Variants in NXPE3 observed in about 807,000 individuals in gnomAD.
NXPE3 encodes neurexophilin and PC-esterase domain family member 3, also known as NXPE family member 3.
A neutral mutation model predicts 46.1 loss-of-function variants in NXPE3; 26 were observed. The observed-to-expected ratio is 0.56, with a 90% confidence interval of 0.41 to 0.78. NXPE3 has a LOEUF of 0.78. NXPE3 is among the 30% of genes least tolerant of loss of function. NXPE3 has a pLI of 0.00. For synonymous variants in NXPE3, 272 were observed against 257.9 expected, an observed-to-expected ratio of 1.05 and a Z score of -0.52; for missense variants, 620 against 686.0, an observed-to-expected ratio of 0.90 and a Z score of 1.07.
At position 101,801,412 on chromosome 3, in the gene NXPE3, G is replaced by A; in HGVS notation, c.271G>A (p.Asp91Asn). ...LLAALHRQVP[D>N]VGPVPFVKST... The stretch of plus-strand genomic sequence containing the variant: ...GGCTGCCTTGCACCGGCAGGTTCCT[G>A]ATGTGGGCCCAGTCCCCTTTGTGAA... Residue 91 changes from aspartate (D) to asparagine (N), a missense_variant, in exon 5 of 8, where the codon GAT (aspartate) becomes AAT (asparagine). Coordinates refer to ENST00000273347, the MANE Select transcript of NXPE3 (RefSeq NM_145037.4). 6.2e-7 allele frequency: 1 copy of A among 1,614,216 alleles called. No homozygotes were observed. Among genetic ancestry groups the A allele is most frequent in the Non-Finnish European group, 8.5e-7 (1 of 1,180,038 alleles).
At chr3:101,779,428 C>T (rs1404181461) in intron 1 of NXPE3, 104 bp downstream of exon 1, 1 of 152,594 alleles carries the variant, frequency 6.6e-6, no homozygotes, top group African/African-American at 2.4e-5. Context: ...TGCGAAGCCC[C>T]TCCCTCCGCG....
Position 101,801,884 on chromosome 3 carries a change from T to C in NXPE3, c.743T>C (p.Phe248Ser). Reference protein sequence around the residue: ...FTDLYTGEPWFCFKPKKLPCS... With the variant: ...FTDLYTGEPWSCFKPKKLPCS... ...GACCTCTACACTGGGGAGCCCTGGT[T>C]CTGCTTCAAACCAAAGAAGCTCCCT... Residue 248 changes from phenylalanine to serine, a missense_variant, in exon 5 of 8, where the codon TTC (phenylalanine) becomes TCC (serine). Physicochemically the swap from Phe to Ser is radical, Grantham distance 155. This residue lies in a region of NXPE3 where 511 missense variants were observed against 528.6 expected (regional missense o/e 0.97). Coordinates refer to ENST00000273347, the MANE Select transcript of NXPE3 (RefSeq NM_145037.4). The C allele has an allele frequency of 6.2e-7, 1 of 1,614,168 alleles. No individual in the cohort carries two copies. The highest frequency in any genetic ancestry group is 8.5e-7 in the Non-Finnish European group (1 of 1,180,026).
At chr3:101,798,322 C>CA (rs1940947422) in intron 4 of NXPE3, among the ~76,000 whole-genome samples, 1 of 152,018 alleles carries the variant, frequency 6.6e-6, no homozygotes. Flanking sequence ...AAACTGTTTA[C>CA]AAGAGTATCC....
At chr3:101,783,975 G>A (rs1398632776) in intron 3 of NXPE3, among the ~76,000 whole-genome samples, 1 of 152,220 alleles carries the variant, frequency 6.6e-6, no homozygotes, top group East Asian at 1.9e-4. Flanking sequence ...CCCTGTGGAG[G>A]TGGCCAGGAC....
intron 6 of NXPE3, 34 bp from the exon 7 acceptor site, chr3:101,816,761 T>G (rs753531862): frequency 7.4e-6 from 11 of 1,490,266 alleles, no homozygotes; most frequent in Non-Finnish European, 1.0e-5. Flanking sequence ...TGGAGGAGAA[T>G]ATTAAAATAT....
At chr3:101,806,475 G>C (rs983481014) in intron 5 of NXPE3, among the ~76,000 whole-genome samples, 1 of 152,086 alleles carries the variant, frequency 6.6e-6, no homozygotes, top group Non-Finnish European at 1.5e-5. Flanking sequence ...CCTTATCTTC[G>C]AGTAGTATAT....
intron 3 of NXPE3, 53 bp from the exon 4 acceptor site, chr3:101,785,349 C>T (rs533589482): frequency 2.4e-6 from 1 of 422,606 alleles, no homozygotes; most frequent in Non-Finnish European, 4.4e-6. Context: ...TTCCTCTCAC[C>T]CCACCCTAGG....
rs1488487958 is a variant in NXPE3, at chr3:101,823,215, A to G, written c.*1261A>G. On this transcript the variant is annotated 3_prime_UTR_variant, in exon 8 of 8. Transcript: ENST00000273347. ...AGGGAGGCTTTAGAGAGGAAGACAG[A>G]TGCTTGAAGTATGAACAATATATAC... 2.0e-5 allele frequency: 3 copies of G among 152,086 alleles called. No homozygotes were observed. The highest frequency in any genetic ancestry group is 2.1e-4 in the South Asian group (1 of 4,822). 9.4% of individuals were successfully genotyped at this position (152,086 alleles called of 1,614,324 possible).
At chr3:101,805,604 TA>T (rs1941379891) in intron 5 of NXPE3, among the ~76,000 whole-genome samples, 1 of 152,072 alleles carries the variant, frequency 6.6e-6, no homozygotes. Flanking sequence ...CATAGCTGGC[TA>T]ATTTTTGTAT....
chr3:101,795,498 AC>A (rs1940773913), intron 4 of NXPE3, among the ~76,000 whole-genome samples: 1 of 150,230 alleles, frequency 6.7e-6, no homozygotes. Context: ...AGCCTGGGCA[AC>A]AAAGTGAGAC....
intron 7 of NXPE3, among the ~76,000 whole-genome samples, chr3:101,819,019 C>T (rs1226469898): frequency 6.6e-6 from 1 of 151,706 alleles, no homozygotes; most frequent in Admixed American, 6.6e-5. Context: ...CTTGCTTTGC[C>T]CTCCCAAAGT....
Position 101,782,645 on chromosome 3 carries a change from T to A in NXPE3, c.-316-15T>A, listed in dbSNP as rs1169478520. On this transcript the variant is annotated splice_polypyrimidine_tract_variant and intron_variant, in intron 2 of 7. Coordinates refer to ENST00000273347, the MANE Select transcript of NXPE3 (RefSeq NM_145037.4). ...GGTTTTATTCTTTATTTTATTTCATTTTTTTTTGAGACAGAGTCCTGCTCT... is the reference window on the plus strand; with the variant it reads ...GGTTTTATTCTTTATTTTATTTCATATTTTTTTGAGACAGAGTCCTGCTCT... 2 of 152,008 alleles carry A rather than the reference T, an allele frequency of 1.3e-5. No homozygotes were observed. Among genetic ancestry groups the A allele is most frequent in the East Asian group, 1.9e-4 (1 of 5,192 alleles). 9.4% of individuals were successfully genotyped at this position (152,008 alleles called of 1,614,324 possible).
rs755702543 is a variant in NXPE3, at chr3:101,801,704, T to A, written c.563T>A (p.Val188Asp). The A allele has an allele frequency of 1.2e-6, 2 of 1,614,186 alleles. No individual in the cohort carries two copies. The highest frequency in any genetic ancestry group is 1.7e-6 in the Non-Finnish European group (2 of 1,180,038). ...AAAGTTAAAGTATCCGTATCTCTGGTCCACCCCAGTGAAGGGATCAGAGTT... is the reference window on the plus strand; with the variant it reads ...AAAGTTAAAGTATCCGTATCTCTGGACCACCCCAGTGAAGGGATCAGAGTT... ...PGKVKVSVSL[V>D]HPSEGIRVLQ... The change falls in exon 5 of 8, where the codon GTC (valine) becomes GAC (aspartate). Residue 188 changes from valine to aspartate, a missense_variant. Transcript: ENST00000273347.
intron 6 of NXPE3, 59 bp downstream of exon 6, chr3:101,807,185 C>G: frequency 7.7e-7 from 1 of 1,306,728 alleles, no homozygotes; most frequent in Non-Finnish European, 1.1e-6. Context: ...GGTTGAGGCT[C>G]TGTCGTTTCA....
chr3:101,800,340 C>T (rs1941072190), intron 4 of NXPE3, among the ~76,000 whole-genome samples: 1 of 152,104 alleles, frequency 6.6e-6, no homozygotes, highest in Non-Finnish European at 1.5e-5. Context: ...TGGGATTTTT[C>T]CAGCTCTCTT....
chr3:101,820,054 A>C (rs767838322), intron 7 of NXPE3, among the ~76,000 whole-genome samples: 1 of 152,124 alleles, frequency 6.6e-6, no homozygotes, highest in Non-Finnish European at 1.5e-5. Context: ...CTCTAGTTTC[A>C]TCCATGTTGT....
chr3:101,806,093 A>G (rs1296960774), intron 5 of NXPE3, among the ~76,000 whole-genome samples: 1 of 152,080 alleles, frequency 6.6e-6, no homozygotes, highest in Admixed American at 6.6e-5. Context: ...AGCTCCATGA[A>G]GAAGGAGATG....
Position 101,821,819 on chromosome 3 carries a change from G to A in NXPE3, c.1545G>A (p.Gly515=). ...LDTILRRMFS[G]VGVYLVDAWE... ...CCATCCTTCGGAGGATGTTCTCAGG[G>A]GTTGGAGTATATCTCGTCGATGCCT... The change falls in exon 8 of 8, where the codon GGG becomes GGA. Residue 515 remains glycine (G), a synonymous_variant. Transcript: ENST00000273347. The A allele has an allele frequency of 1.2e-6, 2 of 1,614,168 alleles. No homozygotes were observed. The highest frequency in any genetic ancestry group is 1.7e-6 in the Non-Finnish European group (2 of 1,180,028).
intron 7 of NXPE3, among the ~76,000 whole-genome samples, chr3:101,818,753 A>ATTTTTT (rs1186102474): frequency 8.2e-5 from 1 of 12,260 alleles, no homozygotes; most frequent in Non-Finnish European, 1.4e-4. Flanking sequence ...ATATATATAT[A>ATTTTTT]TTTTTTTTTT....
Sources: gnomAD v4.1 joint callset for allele counts (sites outside exome capture counted in the v4.1 genomes callset) on GRCh38, gnomAD v4.1.1 for gene constraint, gnomAD v4.1.1 regional missense constraint, MANE v1.5 for transcripts, NCBI Gene and HGNC (gene_info 2026-07-23, HGNC 2026-07-21) for gene names.